Variants in CNTN6 observed in about 807,000 individuals in gnomAD.
CNTN6 encodes the protein contactin-6.
A neutral mutation model predicts 122.8 loss-of-function variants in CNTN6; 137 were observed. The observed-to-expected ratio is 1.12, with a 90% CI of 0.97 to 1.29. CNTN6 has a LOEUF of 1.29. Among genes scored for constraint, CNTN6 ranks in the 50% most tolerant of loss-of-function variants. The probability of loss-of-function intolerance (pLI) is 0.00; values close to 1 mark genes in which losing one functional copy is unlikely to be tolerated. For synonymous variants in CNTN6, 570 were observed against 426.0 expected (o/e 1.34, Z -4.16); for missense variants, 1,634 against 1,223.4 (o/e 1.34, Z -5.01).
intron 4 of CNTN6, among the ~76,000 whole-genome samples, chr3:1,253,019 A>G (rs1403351551): frequency 6.6e-6 from 1 of 152,172 alleles, no homozygotes; most frequent in Non-Finnish European, 1.5e-5. Context: ...AACTGCTAAG[A>G]TTGTATTTAG....
intron 3 of CNTN6, 25 bp downstream of exon 3, chr3:1,220,838 C>A: frequency 6.3e-7 from 1 of 1,575,346 alleles, no homozygotes; most frequent in Non-Finnish European, 8.6e-7. Flanking sequence ...GTGGGCACCA[C>A]ACTATTTTGT....
chr3:1,373,003 C>A (rs1341017901), intron 14 of CNTN6, 48 bp downstream of exon 14: 6 of 1,073,138 alleles, frequency 5.6e-6, no homozygotes, highest in Non-Finnish European at 8.5e-6. Flanking sequence ...TTCACAGTTA[C>A]AGTGTTCATA....
intron 1 of CNTN6, among the ~76,000 whole-genome samples, chr3:1,103,084 C>T (rs4299467): frequency 2.0e-4 from 31 of 151,716 alleles, no homozygotes; most frequent in Middle Eastern, 6.8e-3. Flanking sequence ...CCAGCCTGGG[C>T]GACAGAGCCA....
intron 12 of CNTN6, among the ~76,000 whole-genome samples, chr3:1,368,263 AG>A (rs1169108497): frequency 4.6e-5 from 7 of 152,198 alleles, no homozygotes; most frequent in African/African-American, 1.7e-4. Flanking sequence ...AACCTCCACA[AG>A]TTACAGTGTA....
intron 2 of CNTN6, among the ~76,000 whole-genome samples, chr3:1,162,247 CAA>C (rs1336069159): frequency 6.6e-6 from 1 of 151,850 alleles, no homozygotes; most frequent in East Asian, 1.9e-4. Flanking sequence ...AGCCTGGAAA[CAA>C]TAATGATTTC....
At chr3:1,347,476 A>C (rs1376863104) in intron 11 of CNTN6, among the ~76,000 whole-genome samples, 2 of 152,128 alleles carry the variant, frequency 1.3e-5, no homozygotes, top group Non-Finnish European at 2.9e-5. Flanking sequence ...GAAACATACC[A>C]ACACCGTAAG....
chr3:1,132,378 C>G (rs927170497), intron 1 of CNTN6, among the ~76,000 whole-genome samples: 1 of 152,060 alleles, frequency 6.6e-6, no homozygotes, highest in African/African-American at 2.4e-5. Context: ...CACACCTACT[C>G]TGGTGTCCTA....
At chr3:1,218,886 C>CA (rs980258531) in intron 2 of CNTN6, among the ~76,000 whole-genome samples, 2 of 152,018 alleles carry the variant, frequency 1.3e-5, no homozygotes, top group Non-Finnish European at 2.9e-5. Context: ...TTTTTAACAA[C>CA]AACAACAAAA....
intron 2 of CNTN6, among the ~76,000 whole-genome samples, chr3:1,162,229 T>C (rs889914445): frequency 6.6e-6 from 1 of 152,164 alleles, no homozygotes; most frequent in Non-Finnish European, 1.5e-5. Flanking sequence ...AATCAGTTCT[T>C]AATATTGAGC....
chr3:1,304,141 TTA>T (rs1697924302), intron 7 of CNTN6, among the ~76,000 whole-genome samples: 1 of 152,182 alleles, frequency 6.6e-6, no homozygotes, highest in African/African-American at 2.4e-5. Flanking sequence ...ACTTTACTAC[TTA>T]TGTCTCCCCT....
chr3:1,248,609 C>T (rs992006047), intron 4 of CNTN6, among the ~76,000 whole-genome samples: 5 of 152,078 alleles, frequency 3.3e-5, no homozygotes, highest in African/African-American at 1.2e-4. Context: ...TGCGTGAGTT[C>T]AGGAGTTTGA....
At chr3:1,140,670 T>A (rs1279107293) in intron 1 of CNTN6, among the ~76,000 whole-genome samples, 1 of 152,196 alleles carries the variant, frequency 6.6e-6, no homozygotes, top group Non-Finnish European at 1.5e-5. Flanking sequence ...ACTCTCTTGA[T>A]GACTGAGTTA....
At chr3:1,279,357 C>T (rs1692967168) in intron 5 of CNTN6, among the ~76,000 whole-genome samples, 1 of 126,228 alleles carries the variant, frequency 7.9e-6, no homozygotes, top group African/African-American at 3.1e-5. Context: ...TCCATGGAGT[C>T]ATTTGGTACA....
chr3:1,371,668 T>G (rs1709035621), intron 12 of CNTN6, among the ~76,000 whole-genome samples: 1 of 152,142 alleles, frequency 6.6e-6, no homozygotes, highest in African/African-American at 2.4e-5. Context: ...AAGATTGACA[T>G]AGAGAACATT....
chr3:1,166,164 A>G (rs888314884), intron 2 of CNTN6, among the ~76,000 whole-genome samples: 5 of 152,180 alleles, frequency 3.3e-5, no homozygotes, highest in African/African-American at 1.2e-4. Flanking sequence ...TAAACAAGAG[A>G]CAAGCTCTGA....
intron 11 of CNTN6, among the ~76,000 whole-genome samples, chr3:1,342,040 A>G (rs1277644478): frequency 6.6e-6 from 1 of 152,174 alleles, no homozygotes; most frequent in Non-Finnish European, 1.5e-5. Context: ...ATCCTTAGCT[A>G]TTTAATAGTT....
intron 2 of CNTN6, among the ~76,000 whole-genome samples, chr3:1,157,147 C>T (rs2092990465): frequency 6.6e-6 from 1 of 151,658 alleles, no homozygotes; most frequent in East Asian, 1.9e-4. Flanking sequence ...GTATCCAGTC[C>T]CTTAAGCATT....
intron 4 of CNTN6, among the ~76,000 whole-genome samples, chr3:1,233,057 T>G (rs1390649003): frequency 6.6e-6 from 1 of 152,192 alleles, no homozygotes; most frequent in African/African-American, 2.4e-5. Context: ...AAAACTAATT[T>G]GGAGCCACTT....
chr3:1,323,272 G>T (rs910956951), intron 8 of CNTN6, among the ~76,000 whole-genome samples: 1 of 151,674 alleles, frequency 6.6e-6, no homozygotes, highest in African/African-American at 2.4e-5. Context: ...AATTGTGCAG[G>T]ATCTCACAGA....
Sources: gnomAD v4.1 joint callset for allele counts (sites outside exome capture counted in the v4.1 genomes callset) on GRCh38, gnomAD v4.1.1 for gene constraint, MANE v1.5 for transcripts, NCBI Gene and HGNC (gene_info 2026-07-23, HGNC 2026-07-21) for gene names.